The following ZNF385D variants were observed in gnomAD, a reference collection of about 807,000 sequenced individuals.
ZNF385D encodes the protein zinc finger protein 659.
Under a neutral mutation model 35.8 loss-of-function variants are expected in ZNF385D, and 15 were observed. That is an observed-to-expected ratio of 0.42 (90% CI 0.28 to 0.64). ZNF385D has a LOEUF of 0.64. ZNF385D is among the 30% of genes least tolerant of loss of function. The probability of loss-of-function intolerance (pLI) is 0.23; values close to 1 mark genes in which losing one functional copy is unlikely to be tolerated. For synonymous variants in ZNF385D, 212 were observed against 186.8 expected, an observed-to-expected ratio of 1.13 and a Z score of -1.10; for missense variants, 474 against 494.6, an observed-to-expected ratio of 0.96 and a Z score of 0.39.
At chr3:21,848,351 G>A (rs935892400) in intron 3 of ZNF385D, among the ~76,000 whole-genome samples, 10 of 151,324 alleles carry the variant, frequency 6.6e-5, no homozygotes, top group African/African-American at 1.2e-4. Flanking sequence ...CAATTACTTC[G>A]GATAAATATT....
intron 1 of ZNF385D, among the ~76,000 whole-genome samples, chr3:21,709,907 G>A (rs1009829338): frequency 5.9e-5 from 9 of 152,174 alleles, no homozygotes; most frequent in African/African-American, 2.2e-4. Context: ...CTTCAATGAA[G>A]TGAACAGATT....
intron 2 of ZNF385D, among the ~76,000 whole-genome samples, chr3:22,217,250 CA>C (rs1203642157): frequency 6.6e-6 from 1 of 152,110 alleles, no homozygotes; most frequent in Non-Finnish European, 1.5e-5. Context: ...ACAGAAACCA[CA>C]ATAAACACTT....
At chr3:21,980,985 G>C (rs907647682) in intron 3 of ZNF385D, among the ~76,000 whole-genome samples, 6 of 152,076 alleles carry the variant, frequency 3.9e-5, no homozygotes, top group African/African-American at 1.4e-4. Context: ...CATTTAGTTT[G>C]ATTCCATGTC....
intron 4 of ZNF385D, among the ~76,000 whole-genome samples, chr3:21,504,413 A>G (rs1307988009): frequency 1.3e-5 from 2 of 152,176 alleles, no homozygotes; most frequent in African/African-American, 2.4e-5. Flanking sequence ...CACAAATACA[A>G]AAGTCTAAAG....
At chr3:22,096,835 C>A (rs2125615018) in intron 3 of ZNF385D, among the ~76,000 whole-genome samples, 1 of 152,174 alleles carries the variant, frequency 6.6e-6, no homozygotes, top group Non-Finnish European at 1.5e-5. Flanking sequence ...ATGCTCCTCT[C>A]ATTGAGAGAA....
intron 2 of ZNF385D, among the ~76,000 whole-genome samples, chr3:22,280,363 AG>A (rs1474153690): frequency 2.7e-5 from 4 of 148,310 alleles, no homozygotes. Context: ...ATTGTCTAGA[AG>A]GGTTTTTTTT....
At chr3:22,058,194 AATTTG>A (rs1010706789) in intron 3 of ZNF385D, among the ~76,000 whole-genome samples, 3 of 87,008 alleles carry the variant, frequency 3.4e-5, no homozygotes, top group Non-Finnish European at 9.5e-5. Context: ...GGCACCATCT[AATTTG>A]ATTTCTTGTT....
intron 2 of ZNF385D, among the ~76,000 whole-genome samples, chr3:22,293,993 G>A (rs1428308700): frequency 2.0e-5 from 3 of 151,140 alleles, no homozygotes; most frequent in Non-Finnish European, 4.4e-5. Flanking sequence ...CTCCAGGCAT[G>A]GTAATTCTAT....
At chr3:21,591,239 T>C (rs2125733044) in intron 2 of ZNF385D, among the ~76,000 whole-genome samples, 1 of 152,182 alleles carries the variant, frequency 6.6e-6, no homozygotes, top group African/African-American at 2.4e-5. Context: ...TGGAATTAAA[T>C]TATAATCAAC....
intron 3 of ZNF385D, among the ~76,000 whole-genome samples, chr3:22,139,122 C>T (rs903120334): frequency 3.9e-5 from 6 of 152,124 alleles, no homozygotes; most frequent in Non-Finnish European, 7.4e-5. Context: ...ACAACAGGTA[C>T]TGGAGAGGAT....
chr3:22,186,838 G>A (rs942745218), intron 2 of ZNF385D, among the ~76,000 whole-genome samples: 1 of 152,034 alleles, frequency 6.6e-6, no homozygotes, highest in Non-Finnish European at 1.5e-5. Flanking sequence ...TTTTATGAAG[G>A]ACATTAATGA....
chr3:21,692,392 G>A (rs2067312008), intron 1 of ZNF385D, among the ~76,000 whole-genome samples: 1 of 152,084 alleles, frequency 6.6e-6, no homozygotes, highest in African/African-American at 2.4e-5. Flanking sequence ...CCTCGGTTAA[G>A]CTTTTCTCTC....
chr3:21,985,569 C>T lies in ZNF385D; in HGVS notation c.325+183248G>A, dbSNP rs1181816530. 9.8e-5 allele frequency among the ~76,000 whole-genome samples: 13 copies of T among 132,092 alleles called. No individual in the cohort carries two copies. The East Asian group carries it at 2.4e-3, about 24-fold the overall frequency. 86.7% of individuals were successfully genotyped at this position (132,092 alleles called of 152,430 possible). ...TGATGTGCTGCTGGATTCAGTTTGC[C>T]AGTATTTTATTGAGGATTTTTGCAT... On this transcript the variant is annotated intron_variant, in intron 3 of 5. Coordinates refer to the ZNF385D transcript ENST00000494108.
intron 3 of ZNF385D, among the ~76,000 whole-genome samples, chr3:21,907,386 ATCT>A (rs1699734971): frequency 6.6e-6 from 1 of 152,144 alleles, no homozygotes; most frequent in Non-Finnish European, 1.5e-5. Flanking sequence ...CCTTCACAAT[ATCT>A]TTTTTTGTAT....
chr3:21,648,154 G>T (rs1249582436), intron 2 of ZNF385D, among the ~76,000 whole-genome samples: 4 of 152,150 alleles, frequency 2.6e-5, no homozygotes, highest in African/African-American at 9.7e-5. Flanking sequence ...TCAAGGGAGA[G>T]ACCCAGTGGG....
chr3:22,032,142 C>G (rs911672588), intron 3 of ZNF385D, among the ~76,000 whole-genome samples: 6 of 152,190 alleles, frequency 3.9e-5, no homozygotes, highest in Non-Finnish European at 8.8e-5. Context: ...TTGTCAAAAC[C>G]ATTCAACAAG....
At chr3:22,222,509 A>C (rs1698318514) in intron 2 of ZNF385D, among the ~76,000 whole-genome samples, 1 of 152,198 alleles carries the variant, frequency 6.6e-6, no homozygotes, top group East Asian at 1.9e-4. Context: ...TGATGACAAT[A>C]AGAAATGCAG....
chr3:22,100,054 T>C (rs948371233), intron 3 of ZNF385D, among the ~76,000 whole-genome samples: 1 of 151,450 alleles, frequency 6.6e-6, no homozygotes, highest in Non-Finnish European at 1.5e-5. Flanking sequence ...AAAGAAGGCA[T>C]TTATGCAGCC....
At chr3:21,562,385 A>C (rs2062982558) in intron 3 of ZNF385D, among the ~76,000 whole-genome samples, 1 of 152,114 alleles carries the variant, frequency 6.6e-6, no homozygotes, top group African/African-American at 2.4e-5. Context: ...CAGAATTAGA[A>C]ACACTCCAAA....
Sources: allele counts gnomAD v4.1 joint callset (sites outside exome capture counted in the v4.1 genomes callset), GRCh38; gene constraint gnomAD v4.1.1; transcripts MANE v1.5; gene names NCBI Gene and HGNC (gene_info 2026-07-23, HGNC 2026-07-21).